The following ACSS3 variants were observed in gnomAD, a reference collection of about 807,000 sequenced individuals.
ACSS3 encodes acyl-CoA synthetase short chain family member 3.
ACSS3 carries 64 observed loss-of-function variants against 84.2 expected under a neutral mutation model. The ratio of observed to expected loss-of-function variants is 0.76; its 90% CI spans 0.62 to 0.94. The LOEUF (loss-of-function observed/expected upper bound fraction) is 0.94, where lower values mean the gene tolerates loss of function less well. ACSS3 is among the 40% of genes least tolerant of loss of function. The pLI, the probability that ACSS3 is intolerant of heterozygous loss-of-function variation, is 0.00. For missense variants in ACSS3, 815 were observed against 867.6 expected, an observed-to-expected ratio of 0.94 and a Z score of 0.76; for synonymous variants, 317 against 310.1, an observed-to-expected ratio of 1.02 and a Z score of -0.23.
intron 1 of ACSS3, 27 bp downstream of exon 1, chr12:81,078,458 T>G: frequency 6.2e-7 from 1 of 1,605,780 alleles, no homozygotes; most frequent in South Asian, 1.1e-5. Flanking sequence ...CCAACCCTGA[T>G]CCCCCATCCC....
chr12:81,178,610 T>C (rs2030675716), intron 8 of ACSS3, among the ~76,000 whole-genome samples: 1 of 151,936 alleles, frequency 6.6e-6, no homozygotes, highest in African/African-American at 2.4e-5. Context: ...ATCTCTACAA[T>C]TGGAATTACA....
At chr12:81,093,182 G>A (rs1041242655) in intron 1 of ACSS3, among the ~76,000 whole-genome samples, 1 of 152,124 alleles carries the variant, frequency 6.6e-6, no homozygotes, top group African/African-American at 2.4e-5. Flanking sequence ...AGACGCAGTG[G>A]CTCACGGCTG....
At chr12:81,249,204 G>T (rs914205116) in intron 13 of ACSS3, among the ~76,000 whole-genome samples, 1 of 152,058 alleles carries the variant, frequency 6.6e-6, no homozygotes, top group Non-Finnish European at 1.5e-5. Context: ...TGCTAGTTCT[G>T]CACTTGTAAG....
chr12:81,079,849 T>C (rs1880857919), intron 1 of ACSS3, among the ~76,000 whole-genome samples: 1 of 152,148 alleles, frequency 6.6e-6, no homozygotes, highest in Non-Finnish European at 1.5e-5. Flanking sequence ...ATGGAAATAA[T>C]TGGAGGCTTA....
chr12:81,181,768 A>AAAAG (rs1555178623), intron 8 of ACSS3, among the ~76,000 whole-genome samples: 151 of 143,650 alleles, frequency 1.1e-3, no homozygotes, highest in Non-Finnish European at 1.9e-3. Flanking sequence ...AAAAAAAAAA[A>AAAAG]GCAATAGAGA....
chr12:81,171,850 T>C (rs1477185407), intron 7 of ACSS3, among the ~76,000 whole-genome samples: 3 of 152,200 alleles, frequency 2.0e-5, no homozygotes, highest in Non-Finnish European at 4.4e-5. Flanking sequence ...GCCTACTACA[T>C]AGCAGGGCTA....
At chr12:81,205,836 T>C (rs1202285206) in intron 9 of ACSS3, among the ~76,000 whole-genome samples, 2 of 152,162 alleles carry the variant, frequency 1.3e-5, no homozygotes, top group Non-Finnish European at 2.9e-5. Flanking sequence ...CTTGTTATTT[T>C]TACACTTTTT....
chr12:81,108,071 G>GA (rs1407859605), intron 1 of ACSS3, among the ~76,000 whole-genome samples: 8 of 152,030 alleles, frequency 5.3e-5, no homozygotes, highest in Non-Finnish European at 8.8e-5. Flanking sequence ...CTAAGAGTAG[G>GA]ATGCTGGGAA....
chr12:81,107,149 G>A (rs959986537), intron 1 of ACSS3, among the ~76,000 whole-genome samples: 3 of 152,040 alleles, frequency 2.0e-5, no homozygotes, highest in Non-Finnish European at 4.4e-5. Context: ...AACCAGAAGA[G>A]TATAGGCATC....
intron 2 of ACSS3, among the ~76,000 whole-genome samples, chr12:81,117,481 G>T (rs925383592): frequency 6.6e-6 from 1 of 152,134 alleles, no homozygotes; most frequent in Non-Finnish European, 1.5e-5. Flanking sequence ...GGGTGGGATA[G>T]GAACTATGTG....
intron 2 of ACSS3, among the ~76,000 whole-genome samples, chr12:81,114,152 T>C (rs1028657610): frequency 2.0e-5 from 3 of 152,108 alleles, no homozygotes; most frequent in Non-Finnish European, 4.4e-5. Context: ...ATTTGAGCAA[T>C]TTTCATGAAT....
chr12:81,100,227 T>TG (rs1555244026), intron 1 of ACSS3, among the ~76,000 whole-genome samples: 3 of 150,058 alleles, frequency 2.0e-5, no homozygotes, highest in African/African-American at 7.3e-5. Context: ...TTTTTTTTTT[T>TG]TTTTTTTTTT....
At chr12:81,139,474 G>A (rs947551063) in intron 4 of ACSS3, among the ~76,000 whole-genome samples, 1 of 151,708 alleles carries the variant, frequency 6.6e-6, no homozygotes, top group African/African-American at 2.4e-5. Flanking sequence ...AAAGATGTGT[G>A]AGATTAATGA....
chr12:81,147,334 G>T (rs145427411), intron 5 of ACSS3, among the ~76,000 whole-genome samples: 1 of 152,268 alleles, frequency 6.6e-6, no homozygotes, highest in East Asian at 1.9e-4. Context: ...TAATTGCATT[G>T]TTCACACGGG....
At chr12:81,244,676 C>CTTTA (rs2033923183) in intron 13 of ACSS3, among the ~76,000 whole-genome samples, 1 of 152,058 alleles carries the variant, frequency 6.6e-6, no homozygotes, top group South Asian at 2.1e-4. Context: ...CAGAGACATT[C>CTTTA]TTTATTTTTG....
chr12:81,253,707 A>C (rs369549018), intron 15 of ACSS3, 37 bp downstream of exon 15: 3 of 1,582,562 alleles, frequency 1.9e-6, no homozygotes, highest in Non-Finnish European at 2.6e-6. Flanking sequence ...GGGTTCTAAG[A>C]TATTTTTCTT....
intron 13 of ACSS3, among the ~76,000 whole-genome samples, chr12:81,236,171 A>G (rs2033624508): frequency 6.6e-6 from 1 of 151,490 alleles, no homozygotes. Context: ...TTAATTATGA[A>G]TGAATGTTGA....
intron 5 of ACSS3, among the ~76,000 whole-genome samples, chr12:81,148,145 T>C (rs1008814165): frequency 1.4e-5 from 2 of 143,728 alleles, no homozygotes; most frequent in African/African-American, 4.9e-5. Context: ...GCCTGTCAGA[T>C]ATTTAAAGAC....
rs971682687 is a variant in ACSS3 at position 81,082,249 on chromosome 12, A to G, written c.311+3818A>G. Among the ~76,000 whole-genome samples the G allele has an allele frequency of 2.6e-5, 4 of 152,128 alleles. No individual in the cohort carries two copies. In the East Asian group the frequency reaches 7.7e-4, roughly 29 times the overall value. ...TTGCCTTTTGGAATCCCCAGTGTCT[A>G]TTGTTCCCATCTTTATATCTGTATG... On this transcript the variant is annotated intron_variant, in intron 1 of 15. Coordinates refer to ENST00000548058, the MANE Select transcript of ACSS3 (RefSeq NM_024560.4).
Sources: gnomAD v4.1 joint callset for allele counts (sites outside exome capture counted in the v4.1 genomes callset) on GRCh38, gnomAD v4.1.1 for gene constraint, MANE v1.5 for transcripts, NCBI Gene and HGNC (gene_info 2026-07-23, HGNC 2026-07-21) for gene names.